GHR: variants seen among roughly 807,000 people sequenced by gnomAD.
GHR encodes the protein growth hormone receptor, also known as GH receptor.
A neutral mutation model predicts 67.1 loss-of-function variants in GHR; 35 were observed. That is an observed-to-expected ratio of 0.52 (90% CI 0.40 to 0.69). The LOEUF (loss-of-function observed/expected upper bound fraction) is 0.69. GHR is among the 30% of genes least tolerant of loss of function. The pLI is 0.00. For synonymous variants in GHR, 272 were observed against 269.1 expected (o/e 1.01, Z -0.10); for missense variants, 792 against 764.6 (o/e 1.04, Z -0.42).
intron 2 of GHR, among the ~76,000 whole-genome samples, chr5:42,578,927 C>T (rs779356655): frequency 1.8e-4 from 27 of 152,064 alleles, no homozygotes; most frequent in Non-Finnish European, 3.7e-4. Flanking sequence ...ATATCAGAGA[C>T]ATTAGGGAAT....
At chr5:42,619,193 T>C (rs1753316465) in intron 2 of GHR, among the ~76,000 whole-genome samples, 2 of 152,094 alleles carry the variant, frequency 1.3e-5, no homozygotes, top group African/African-American at 4.8e-5. Flanking sequence ...GTCTATTTCA[T>C]GGAATCTGAC....
chr5:42,468,364 C>A (rs193264818), intron 1 of GHR: 1 of 1,427,606 alleles, frequency 7.0e-7, no homozygotes, highest in African/African-American at 1.4e-5. Flanking sequence ...CTGGGAGCTG[C>A]CCAGCACAGG....
At chr5:42,471,182 A>G (rs1744997116) in intron 1 of GHR, among the ~76,000 whole-genome samples, 1 of 152,150 alleles carries the variant, frequency 6.6e-6, no homozygotes, top group African/African-American at 2.4e-5. Flanking sequence ...GGTGCCTGGT[A>G]TAGCACTTTT....
intron 1 of GHR, among the ~76,000 whole-genome samples, chr5:42,472,223 TG>T (rs1326406282): frequency 6.6e-6 from 1 of 152,198 alleles, no homozygotes; most frequent in East Asian, 1.9e-4. Flanking sequence ...GCTTTACTTC[TG>T]GAGATGTATG....
chr5:42,446,201 T>C (rs1579712129), intron 1 of GHR, among the ~76,000 whole-genome samples: 1 of 152,224 alleles, frequency 6.6e-6, no homozygotes, highest in South Asian at 2.1e-4. Flanking sequence ...TGTAAGCTAA[T>C]GGGAGGCAGG....
intron 1 of GHR, among the ~76,000 whole-genome samples, chr5:42,480,829 G>T (rs1561065963): frequency 1.3e-5 from 2 of 152,212 alleles, no homozygotes; most frequent in African/African-American, 4.8e-5. Context: ...GATGGGTCTT[G>T]ACTCTTTATC....
intron 1 of GHR, among the ~76,000 whole-genome samples, chr5:42,476,960 C>A (rs951173979): frequency 1.3e-5 from 2 of 151,966 alleles, no homozygotes; most frequent in African/African-American, 4.8e-5. Context: ...TATACATGTG[C>A]CATGTTGGTG....
chr5:42,649,300 TAAGGGAA>T, intron 3 of GHR, among the ~76,000 whole-genome samples: 1 of 152,286 alleles, frequency 6.6e-6, no homozygotes, highest in Admixed American at 6.5e-5. Context: ...TTCATTAACA[TAAGGGAA>T]AACTATATAC....
intron 2 of GHR, among the ~76,000 whole-genome samples, chr5:42,576,106 AAT>A (rs1167304491): frequency 1.2e-4 from 13 of 106,342 alleles, no homozygotes; most frequent in African/African-American, 5.7e-4. Flanking sequence ...AAATAAATAA[AAT>A]AAAATAAAAT....
intron 1 of GHR, among the ~76,000 whole-genome samples, chr5:42,434,504 A>G (rs1402832301): frequency 2.0e-5 from 3 of 152,148 alleles, no homozygotes. Context: ...TAGGTGAGGA[A>G]ATGGGAGGCC....
chr5:42,531,355 T>G (rs1426936053), intron 1 of GHR, among the ~76,000 whole-genome samples: 1 of 152,170 alleles, frequency 6.6e-6, no homozygotes, highest in Non-Finnish European at 1.5e-5. Flanking sequence ...GAGTCAATTC[T>G]CGATGGTTAG....
intron 1 of GHR, among the ~76,000 whole-genome samples, chr5:42,441,144 C>G (rs995607641): frequency 6.6e-6 from 1 of 152,132 alleles, no homozygotes; most frequent in African/African-American, 2.4e-5. Context: ...AAGCATAAGT[C>G]TGAGCCATGA....
At chr5:42,633,694 A>G (rs553852875) in intron 3 of GHR, among the ~76,000 whole-genome samples, 2 of 152,292 alleles carry the variant, frequency 1.3e-5, no homozygotes, top group East Asian at 1.9e-4. Flanking sequence ...TTTCTAAATT[A>G]TGAATAAACT....
intron 3 of GHR, among the ~76,000 whole-genome samples, chr5:42,646,964 A>G (rs762479974): frequency 6.1e-4 from 93 of 152,168 alleles, no homozygotes; most frequent in Non-Finnish European, 4.6e-4. Context: ...TGTTCAGAGA[A>G]GGATATTAAG....
chr5:42,557,146 G>A (rs1014819087), intron 1 of GHR, among the ~76,000 whole-genome samples: 2 of 152,212 alleles, frequency 1.3e-5, no homozygotes, highest in African/African-American at 4.8e-5. Flanking sequence ...AGTATTTCCT[G>A]CACAATTGGA....
At chr5:42,474,340 A>AG (rs1554054583) in intron 1 of GHR, among the ~76,000 whole-genome samples, 11 of 150,348 alleles carry the variant, frequency 7.3e-5, no homozygotes, top group African/African-American at 2.4e-4. Flanking sequence ...AAAGAAAGAA[A>AG]AGAAATAAAG....
chr5:42,585,482 A>G (rs1751426576), intron 2 of GHR, among the ~76,000 whole-genome samples: 1 of 152,260 alleles, frequency 6.6e-6, no homozygotes, highest in South Asian at 2.1e-4. Flanking sequence ...GCCAGCTGCT[A>G]TCCAATCTCC....
chr5:42,498,638 G>C (rs1242429804), intron 1 of GHR, among the ~76,000 whole-genome samples: 1 of 152,178 alleles, frequency 6.6e-6, no homozygotes, highest in Non-Finnish European at 1.5e-5. Context: ...TAAAAAGAAG[G>C]TGCAGAGTAA....
intron 2 of GHR, among the ~76,000 whole-genome samples, chr5:42,595,161 A>G (rs961091232): frequency 6.6e-6 from 1 of 152,188 alleles, no homozygotes; most frequent in Non-Finnish European, 1.5e-5. Flanking sequence ...GGCTTTGCTT[A>G]GTATTTTGTT....
Sources: allele counts gnomAD v4.1 joint callset (sites outside exome capture counted in the v4.1 genomes callset), GRCh38; gene constraint gnomAD v4.1.1; transcripts MANE v1.5; gene names NCBI Gene and HGNC (gene_info 2026-07-23, HGNC 2026-07-21).